The following AEBP2 variants were observed in gnomAD, a reference collection of about 807,000 sequenced individuals.
AEBP2 encodes the protein AE binding protein 2, also known as zinc finger protein AEBP2.
Under a neutral mutation model 50.8 loss-of-function variants are expected in AEBP2, and 10 were observed. That is an observed-to-expected ratio of 0.20 (90% CI 0.12 to 0.33). The LOEUF (loss-of-function observed/expected upper bound fraction) is 0.33, where lower values mean the gene tolerates loss of function less well. Ranked by LOEUF, AEBP2 falls within the 10% of genes least tolerant of loss-of-function variation. AEBP2 has a pLI of 1.00. For missense variants in AEBP2, 570 were observed against 688.0 expected, an observed-to-expected ratio of 0.83 and a Z score of 1.92; for synonymous variants, 296 against 261.3, an observed-to-expected ratio of 1.13 and a Z score of -1.28.
At chr12:19,487,840 C>G (rs756806047) in intron 3 of AEBP2, among the ~76,000 whole-genome samples, 1 of 151,978 alleles carries the variant, frequency 6.6e-6, no homozygotes, top group Non-Finnish European at 1.5e-5. Context: ...TATTTAAAAA[C>G]AAATATTTCT....
chr12:19,509,304 C>A, intron 5 of AEBP2: 2 of 225,108 alleles, frequency 8.9e-6, no homozygotes, highest in South Asian at 1.1e-4. Flanking sequence ...GAAAAAATTT[C>A]ATCTACTATG....
chr12:19,420,152 T>C (rs112860067), intron 1 of AEBP2, among the ~76,000 whole-genome samples: 211 of 150,408 alleles, frequency 1.4e-3, no homozygotes, highest in Non-Finnish European at 2.6e-3. Context: ...GCCTCCCCAG[T>C]AGCTGGGATT....
intron 1 of AEBP2, among the ~76,000 whole-genome samples, chr12:19,424,683 A>G (rs1351478179): frequency 2.0e-5 from 3 of 151,270 alleles, no homozygotes; most frequent in African/African-American, 7.3e-5. Flanking sequence ...GGCGTGAGCC[A>G]CCGCGCCCGG....
At chr12:19,458,495 AT>A (rs1183352531) in intron 1 of AEBP2, among the ~76,000 whole-genome samples, 2 of 152,164 alleles carry the variant, frequency 1.3e-5, no homozygotes, top group Non-Finnish European at 2.9e-5. Flanking sequence ...TGCTCTTAAC[AT>A]TTACATTATG....
chr12:19,461,234 A>G (rs959406309), intron 1 of AEBP2, among the ~76,000 whole-genome samples: 3 of 152,154 alleles, frequency 2.0e-5, no homozygotes, highest in Non-Finnish European at 4.4e-5. Flanking sequence ...TAATCTGAAA[A>G]CATTCTTTCT....
chr12:19,417,628 G>A lies in AEBP2; in HGVS notation c.-17+13412G>A, dbSNP rs148280666. On this transcript the variant is annotated intron_variant, in intron 1 of 3. Coordinates refer to the AEBP2 transcript ENST00000538425. ...TCTCCATGTTGGCCAGGCTGATCTC[G>A]AACTCTTGGCCTCAAGTGATCCTCT... Among the ~76,000 whole-genome samples, 1,106 of 150,948 alleles carry A rather than the reference G, an allele frequency of 7.3e-3. 16 individuals are homozygous for A. The highest frequency in any genetic ancestry group is 0.038 in the East Asian group (192 of 5,064).
chr12:19,458,452 C>G (rs1948312571), intron 1 of AEBP2, among the ~76,000 whole-genome samples: 1 of 152,200 alleles, frequency 6.6e-6, no homozygotes. Context: ...CCATTGTATT[C>G]ACAGCTTAGT....
chr12:19,463,195 G>A (rs1948408915), intron 2 of AEBP2, among the ~76,000 whole-genome samples: 1 of 152,148 alleles, frequency 6.6e-6, no homozygotes, highest in Admixed American at 6.5e-5. Flanking sequence ...TCTTTCCCAG[G>A]TCTTGTCAGA....
At chr12:19,417,226 C>G (rs768278127) in intron 1 of AEBP2, among the ~76,000 whole-genome samples, 2 of 152,036 alleles carry the variant, frequency 1.3e-5, no homozygotes, top group Non-Finnish European at 2.9e-5. Flanking sequence ...ACCACACACT[C>G]CAGCTAAAGT....
upstream of AEBP2, among the ~76,000 whole-genome samples, chr12:19,439,237 T>A (rs1398400396): frequency 6.6e-6 from 1 of 152,216 alleles, no homozygotes; most frequent in Non-Finnish European, 1.5e-5. Flanking sequence ...ACCCCCGGAA[T>A]GAATGAGTTT....
chr12:19,414,354 C>A (rs1022215527), intron 1 of AEBP2, among the ~76,000 whole-genome samples: 3 of 152,146 alleles, frequency 2.0e-5, no homozygotes, highest in Non-Finnish European at 4.4e-5. Flanking sequence ...CTGACACTGG[C>A]ATGACAGGCA....
chr12:19,458,218 C>T (rs1948307804), intron 1 of AEBP2, among the ~76,000 whole-genome samples: 1 of 152,214 alleles, frequency 6.6e-6, no homozygotes, highest in Non-Finnish European at 1.5e-5. Context: ...ACTGTTGCAT[C>T]AGGTCTGTTG....
chr12:19,445,746 G>C (rs1214055044), intron 1 of AEBP2, among the ~76,000 whole-genome samples: 1 of 152,166 alleles, frequency 6.6e-6, no homozygotes, highest in Non-Finnish European at 1.5e-5. Context: ...AAAGGATATG[G>C]TAGACTAAAA....
At chr12:19,486,504 A>G (rs1948812436) in intron 3 of AEBP2, among the ~76,000 whole-genome samples, 1 of 151,894 alleles carries the variant, frequency 6.6e-6, no homozygotes, top group Non-Finnish European at 1.5e-5. Flanking sequence ...TGTTACTCAT[A>G]CTACAGTCTC....
At chr12:19,411,681 C>T (rs139214178) in intron 1 of AEBP2, among the ~76,000 whole-genome samples, 1 of 152,320 alleles carries the variant, frequency 6.6e-6, no homozygotes, top group East Asian at 1.9e-4. Flanking sequence ...GGTTCTGGCA[C>T]ATCTAAGACC....
intron 1 of AEBP2, chr12:19,456,619 C>T (rs11044574): frequency 0.029 from 43,533 of 1,522,988 alleles, 699 homozygotes; most frequent in East Asian, 0.042. Context: ...GCAGTGAAGC[C>T]AGCCGCTTCC....
chr12:19,486,593 G>A (rs1413441423), intron 3 of AEBP2, among the ~76,000 whole-genome samples: 1 of 151,958 alleles, frequency 6.6e-6, no homozygotes, highest in Non-Finnish European at 1.5e-5. Context: ...ACGTTGCCCA[G>A]GCTGGTTTCG....
At chr12:19,451,311 G>A (rs920704895) in intron 1 of AEBP2, among the ~76,000 whole-genome samples, 1 of 152,290 alleles carries the variant, frequency 6.6e-6, no homozygotes, top group East Asian at 1.9e-4. Context: ...ACTGACTCAT[G>A]TCATGTATCT....
At chr12:19,458,791 G>T (rs1948319070) in intron 1 of AEBP2, among the ~76,000 whole-genome samples, 1 of 152,108 alleles carries the variant, frequency 6.6e-6, no homozygotes, top group African/African-American at 2.4e-5. Context: ...AGCAGTATAG[G>T]TACAGCATGG....
Sources: allele counts gnomAD v4.1 joint callset (sites outside exome capture counted in the v4.1 genomes callset), GRCh38; gene constraint gnomAD v4.1.1; transcripts MANE v1.5; gene names NCBI Gene and HGNC (gene_info 2026-07-23, HGNC 2026-07-21).